The following NTRK3 variants were observed in gnomAD, a reference collection of about 807,000 sequenced individuals.
The protein encoded by NTRK3 is NT-3 growth factor receptor.
Under a neutral mutation model 91.7 loss-of-function variants are expected in NTRK3, and 24 were observed. The observed-to-expected ratio is 0.26, with a 90% CI of 0.19 to 0.37. NTRK3 has a LOEUF of 0.37. Ranked by LOEUF, NTRK3 falls within the 10% of genes least tolerant of loss-of-function variation. The pLI is 1.00. For missense variants in NTRK3, 880 were observed against 1,068.9 expected, an observed-to-expected ratio of 0.82 and a Z score of 2.46; for synonymous variants, 483 against 404.0, an observed-to-expected ratio of 1.20 and a Z score of -2.34.
chr15:88,045,317 G>A (rs991971632), intron 13 of NTRK3, among the ~76,000 whole-genome samples: 1 of 152,148 alleles, frequency 6.6e-6, no homozygotes, highest in Non-Finnish European at 1.5e-5. Flanking sequence ...CCATCCTGCT[G>A]TTGATTGTCC....
chr15:87,863,488 T>C lies in NTRK3; in HGVS notation c.*13447A>G, dbSNP rs577763203. On this transcript the variant is annotated 3_prime_UTR_variant, in exon 19 of 19. Coordinates refer to ENST00000394480, the Ensembl canonical transcript of NTRK3. ...TAAATACTCTTTCAGCAAAGGCTGA[T>C]TTCAGGTGACAGGCCTCAAAACATG... is the stretch of plus-strand genomic sequence containing the variant. 2.7e-5 allele frequency: 6 copies of C among 221,044 alleles called. No homozygotes were observed. The South Asian group carries it at 7.4e-4, about 27-fold the overall frequency. 13.7% of individuals were successfully genotyped at this position (221,044 alleles called of 1,614,324 possible).
chr15:88,093,776 G>A (rs999405778), intron 13 of NTRK3, among the ~76,000 whole-genome samples: 1 of 151,814 alleles, frequency 6.6e-6, no homozygotes, highest in Admixed American at 6.6e-5. Flanking sequence ...ACTCTCTGTG[G>A]GCCTCAAGCA....
intron 13 of NTRK3, among the ~76,000 whole-genome samples, chr15:88,111,419 A>T (rs1269092811): frequency 1.3e-5 from 2 of 152,240 alleles, no homozygotes; most frequent in African/African-American, 4.8e-5. Context: ...ACCCGCAGCC[A>T]AATGTCCACC....
chr15:87,915,698 T>C (rs1555436148), intron 17 of NTRK3, among the ~76,000 whole-genome samples: 1 of 152,242 alleles, frequency 6.6e-6, no homozygotes, highest in Non-Finnish European at 1.5e-5. Context: ...TAAAATGGTT[T>C]AAAATTTCTG....
chr15:88,244,145 C>T (rs958182425), intron 3 of NTRK3, among the ~76,000 whole-genome samples: 1 of 152,154 alleles, frequency 6.6e-6, no homozygotes, highest in African/African-American at 2.4e-5. Context: ...TAAAATGACC[C>T]CAGCAGGCCA....
chr15:87,866,205 C>A (rs1007858166), exon 19 of NTRK3: 2 of 220,956 alleles, frequency 9.1e-6, no homozygotes, highest in African/African-American at 4.5e-5. Context: ...TAGAAATGTG[C>A]AAGTTCTCTG....
intron 5 of NTRK3, among the ~76,000 whole-genome samples, chr15:88,150,944 C>A (rs2043317130): frequency 1.3e-5 from 2 of 152,086 alleles, no homozygotes; most frequent in Admixed American, 1.3e-4. Context: ...GCTGGGGCCT[C>A]ACCTATATGC....
At chr15:88,150,012 C>T (rs2043228118) in intron 5 of NTRK3, among the ~76,000 whole-genome samples, 2 of 152,224 alleles carry the variant, frequency 1.3e-5, no homozygotes, top group South Asian at 4.1e-4. Flanking sequence ...ATGTCCGTCC[C>T]CTGCCTTTAG....
At chr15:87,966,363 G>T (rs188565951) in intron 14 of NTRK3, among the ~76,000 whole-genome samples, 187 of 152,314 alleles carry the variant, frequency 1.2e-3, no homozygotes, top group Non-Finnish European at 2.0e-3. Context: ...TGACCTGAAG[G>T]ACCAGGTGAC....
At chr15:88,227,041 T>C (rs1226433249) in intron 3 of NTRK3, among the ~76,000 whole-genome samples, 4 of 152,228 alleles carry the variant, frequency 2.6e-5, no homozygotes, top group African/African-American at 9.6e-5. Flanking sequence ...CTTTTATTTA[T>C]CCAAAACCCA....
At chr15:88,059,083 C>A (rs985914003) in intron 13 of NTRK3, among the ~76,000 whole-genome samples, 1 of 151,398 alleles carries the variant, frequency 6.6e-6, no homozygotes. Context: ...CACACACAGC[C>A]CTCTGGCTAC....
chr15:88,153,966 C>T (rs558488096), intron 5 of NTRK3, among the ~76,000 whole-genome samples: 1 of 152,026 alleles, frequency 6.6e-6, no homozygotes, highest in South Asian at 2.1e-4. Flanking sequence ...ACCATCAGGC[C>T]CTTCTCATGA....
intron 18 of NTRK3, among the ~76,000 whole-genome samples, chr15:87,878,211 T>C (rs751349167): frequency 1.3e-5 from 2 of 152,186 alleles, no homozygotes; most frequent in African/African-American, 2.4e-5. Flanking sequence ...AAGAATAATC[T>C]CTAGCTCAGC....
chr15:88,063,040 C>T (rs1333650229), intron 13 of NTRK3, among the ~76,000 whole-genome samples: 1 of 152,242 alleles, frequency 6.6e-6, no homozygotes, highest in African/African-American at 2.4e-5. Flanking sequence ...GGGGTAACAG[C>T]CAAGTTCCTT....
chr15:88,218,967 A>G (rs1486537263), intron 3 of NTRK3, among the ~76,000 whole-genome samples: 1 of 152,254 alleles, frequency 6.6e-6, no homozygotes, highest in East Asian at 1.9e-4. Context: ...GGGGCATGGC[A>G]TCACCCACGT....
At chr15:88,098,542 A>G (rs2049860225) in intron 13 of NTRK3, 2 of 226,334 alleles carry the variant, frequency 8.8e-6, no homozygotes, top group Non-Finnish European at 1.8e-5. Flanking sequence ...GAGACGGTAA[A>G]CAACAGAACT....
At chr15:88,221,128 T>C (rs2050195489) in intron 3 of NTRK3, among the ~76,000 whole-genome samples, 1 of 152,224 alleles carries the variant, frequency 6.6e-6, no homozygotes, top group Non-Finnish European at 1.5e-5. Flanking sequence ...TCAATTACTC[T>C]TTTCCTGGTT....
chr15:88,137,341 C>G, intron 7 of NTRK3, 63 bp downstream of exon 7: 2 of 1,589,748 alleles, frequency 1.3e-6, no homozygotes, highest in Non-Finnish European at 1.7e-6. Flanking sequence ...ACGTCCAGCA[C>G]CATCTCTGGT....
At position 87,886,597 on chromosome 15, in the gene NTRK3, A is replaced by T. The variant is rs77240976; in HGVS notation, c.2134-6169T>A. Among the ~76,000 whole-genome samples the T allele has an allele frequency of 4.9e-3, 741 of 149,716 alleles. 8 individuals carry two copies. The highest frequency in any genetic ancestry group is 0.032 in the East Asian group (163 of 5,098). On this transcript the variant is annotated intron_variant, in intron 17 of 18. Coordinates refer to ENST00000394480, the Ensembl canonical transcript of NTRK3. ...ATGTAACCTTGAAAATGCATAGAAA[A>T]ATGTTCGGAAAACCAACAAACCAGT... is the stretch of plus-strand genomic sequence containing the variant.
Sources: gnomAD v4.1 joint callset for allele counts (sites outside exome capture counted in the v4.1 genomes callset) on GRCh38, gnomAD v4.1.1 for gene constraint, MANE v1.5 for transcripts, NCBI Gene and HGNC (gene_info 2026-07-23, HGNC 2026-07-21) for gene names.